Variants in ARHGEF3 observed in about 807,000 individuals in gnomAD.
ARHGEF3 encodes 59.8 kDA protein.
In ARHGEF3, 28 loss-of-function variants were observed where a neutral mutation model predicts 63.2. That is an observed-to-expected ratio of 0.44 (90% CI 0.33 to 0.61). ARHGEF3 has a LOEUF of 0.61. Among genes scored for constraint, ARHGEF3 ranks in the 20% least tolerant of loss-of-function variants. The pLI, the probability that ARHGEF3 is intolerant of heterozygous loss-of-function variation, is 0.03. For synonymous variants in ARHGEF3, 266 were observed against 254.2 expected (o/e 1.05, Z -0.44); for missense variants, 533 against 659.3 (o/e 0.81, Z 2.10).
At chr3:56,917,484 C>T (rs2042017845) in intron 3 of ARHGEF3, among the ~76,000 whole-genome samples, 1 of 152,242 alleles carries the variant, frequency 6.6e-6, no homozygotes, top group South Asian at 2.1e-4. Context: ...GCAAAGACAG[C>T]AGGTTCATTT....
chr3:57,071,265 A>C (rs181043340), intron 1 of ARHGEF3, among the ~76,000 whole-genome samples: 140 of 152,318 alleles, frequency 9.2e-4, no homozygotes, highest in Admixed American at 7.8e-3. Context: ...CCATATGCAA[A>C]AAATGAAGCT....
intron 1 of ARHGEF3, among the ~76,000 whole-genome samples, chr3:57,060,201 C>T (rs1705147270): frequency 6.6e-6 from 1 of 151,130 alleles, no homozygotes; most frequent in Non-Finnish European, 1.5e-5. Context: ...TACCTACAGT[C>T]CCTGTGGGAG....
intron 2 of ARHGEF3, among the ~76,000 whole-genome samples, chr3:56,994,064 C>CAAAAAAAAAAAAA (rs60299557): frequency 0.025 from 1,497 of 59,588 alleles, 326 homozygotes; most frequent in Non-Finnish European, 0.04. Flanking sequence ...AACTTCGTCT[C>CAAAAAAAAAAAAA]AAAAAAAAAA....
intron 4 of ARHGEF3, among the ~76,000 whole-genome samples, chr3:56,835,551 A>C (rs1480554885): frequency 6.6e-6 from 1 of 152,216 alleles, no homozygotes; most frequent in Non-Finnish European, 1.5e-5. Context: ...AGACATGCTA[A>C]ATAATATGCT....
intron 3 of ARHGEF3, among the ~76,000 whole-genome samples, chr3:56,899,370 A>G (rs764214775): frequency 1.2e-4 from 19 of 152,234 alleles, no homozygotes; most frequent in Non-Finnish European, 1.8e-4. Context: ...GTCCATCGTA[A>G]ATCCCTCAAA....
chr3:56,923,253 A>C (rs1403620744), intron 3 of ARHGEF3, among the ~76,000 whole-genome samples: 1 of 151,352 alleles, frequency 6.6e-6, no homozygotes, highest in Non-Finnish European at 1.5e-5. Flanking sequence ...GGATGATGGG[A>C]ACTTTGGGCC....
chr3:56,968,910 C>T (rs966448738), intron 2 of ARHGEF3, among the ~76,000 whole-genome samples: 8 of 152,124 alleles, frequency 5.3e-5, no homozygotes, highest in African/African-American at 1.2e-4. Flanking sequence ...TAAGGCATTC[C>T]GTTTCCAATA....
At chr3:56,763,740 T>G (rs7627580) in intron 2 of ARHGEF3, among the ~76,000 whole-genome samples, 90,372 of 151,536 alleles carry the variant, frequency 0.6, 27,521 homozygotes, top group African/African-American at 0.7. Context: ...TTTTTGATTT[T>G]ATTTTATTTT....
chr3:56,894,812 G>A (rs1040321065), intron 3 of ARHGEF3, among the ~76,000 whole-genome samples: 21 of 152,244 alleles, frequency 1.4e-4, no homozygotes, highest in African/African-American at 4.6e-4. Context: ...GATTTCCTGG[G>A]AAATGGATTA....
chr3:57,041,841 T>C (rs1704197625), intron 1 of ARHGEF3, among the ~76,000 whole-genome samples: 2 of 152,158 alleles, frequency 1.3e-5, no homozygotes, highest in South Asian at 4.1e-4. Context: ...TAAAGGATGG[T>C]TGGATGGCTC....
chr3:56,976,519 T>C (rs1013090215), intron 2 of ARHGEF3, among the ~76,000 whole-genome samples: 6 of 152,230 alleles, frequency 3.9e-5, no homozygotes, highest in African/African-American at 9.6e-5. Context: ...AATAAATCCA[T>C]ATGTAGGTGG....
chr3:56,812,188 C>T (rs2038091037), intron 4 of ARHGEF3, among the ~76,000 whole-genome samples: 1 of 152,170 alleles, frequency 6.6e-6, no homozygotes, highest in Non-Finnish European at 1.5e-5. Context: ...AGGAATACAC[C>T]ATATTTAAAA....
intron 1 of ARHGEF3, among the ~76,000 whole-genome samples, chr3:56,791,622 C>A (rs1015150883): frequency 1.3e-5 from 2 of 151,972 alleles, no homozygotes; most frequent in African/African-American, 4.8e-5. Context: ...TTAGAACACC[C>A]CCAGAGAGAC....
At chr3:56,878,420 A>T (rs1018073353) in intron 4 of ARHGEF3, among the ~76,000 whole-genome samples, 1 of 152,186 alleles carries the variant, frequency 6.6e-6, no homozygotes, top group African/African-American at 2.4e-5. Flanking sequence ...TTGGGGGCCC[A>T]GTCAGGGGAT....
At chr3:56,920,684 C>T (rs190082099) in intron 3 of ARHGEF3, among the ~76,000 whole-genome samples, 1 of 152,278 alleles carries the variant, frequency 6.6e-6, no homozygotes, top group Admixed American at 6.5e-5. Context: ...ATTTCAAGGT[C>T]TTTAAACATA....
chr3:56,773,360 G>A (rs927544595), intron 2 of ARHGEF3, among the ~76,000 whole-genome samples: 1 of 152,166 alleles, frequency 6.6e-6, no homozygotes. Flanking sequence ...CCTGGTTGAA[G>A]CTACTAGGCT....
chr3:56,736,684 A>G (rs991159530), intron 8 of ARHGEF3, among the ~76,000 whole-genome samples: 16 of 152,240 alleles, frequency 1.1e-4, no homozygotes, highest in African/African-American at 3.9e-4. Flanking sequence ...TTGGTTTCCA[A>G]AATTCTTTCT....
intron 2 of ARHGEF3, among the ~76,000 whole-genome samples, chr3:56,761,480 T>C (rs2035416940): frequency 6.6e-6 from 1 of 152,040 alleles, no homozygotes. Flanking sequence ...TATTTATAGG[T>C]TTGTTTGTTT....
chr3:56,997,987 T>C (rs903483262), intron 2 of ARHGEF3, among the ~76,000 whole-genome samples: 3 of 152,184 alleles, frequency 2.0e-5, no homozygotes, highest in African/African-American at 7.2e-5. Flanking sequence ...ATCTGCAAAA[T>C]GAGGCGGACA....
Sources: allele counts gnomAD v4.1 joint callset (sites outside exome capture counted in the v4.1 genomes callset), GRCh38; gene constraint gnomAD v4.1.1; transcripts MANE v1.5; gene names NCBI Gene and HGNC (gene_info 2026-07-23, HGNC 2026-07-21).